ERBB4: variants seen among roughly 807,000 people sequenced by gnomAD.
The protein encoded by ERBB4 is receptor tyrosine-protein kinase erbB-4.
ERBB4 carries 42 observed loss-of-function variants against 158.0 expected under a neutral mutation model. The ratio of observed to expected loss-of-function variants is 0.27; its 90% CI spans 0.21 to 0.34. ERBB4 has a LOEUF of 0.34. ERBB4 is among the 10% of genes least tolerant of loss of function. ERBB4 has a pLI of 1.00. For synonymous variants in ERBB4, 583 were observed against 558.7 expected, an observed-to-expected ratio of 1.04 and a Z score of -0.61; for missense variants, 1,333 against 1,624.1, an observed-to-expected ratio of 0.82 and a Z score of 3.08.
At chr2:211,654,598 CA>C (rs769747362) in intron 16 of ERBB4, among the ~76,000 whole-genome samples, 8 of 152,268 alleles carry the variant, frequency 5.3e-5, no homozygotes, top group Middle Eastern at 3.4e-3. Context: ...GCCAACATTT[CA>C]ACTGGAGCAG....
chr2:212,043,128 G>A (rs2077179102), intron 2 of ERBB4, among the ~76,000 whole-genome samples: 1 of 152,096 alleles, frequency 6.6e-6, no homozygotes, highest in Admixed American at 6.5e-5. Flanking sequence ...TGCTTTGAAA[G>A]CAATGATAAA....
intron 3 of ERBB4, among the ~76,000 whole-genome samples, chr2:211,934,655 C>T (rs375423985): frequency 2.0e-4 from 31 of 151,778 alleles, no homozygotes; most frequent in Admixed American, 5.9e-4. Context: ...AAATAAAACA[C>T]GCTTCAAATA....
intron 2 of ERBB4, among the ~76,000 whole-genome samples, chr2:212,075,801 GC>G (rs1355023143): frequency 6.6e-6 from 1 of 151,788 alleles, no homozygotes; most frequent in Non-Finnish European, 1.5e-5. Flanking sequence ...GAATTTTACA[GC>G]CAACATTACA....
intron 2 of ERBB4, among the ~76,000 whole-genome samples, chr2:212,016,027 GA>G (rs574342589): frequency 0.026 from 3,679 of 139,568 alleles, 54 homozygotes; most frequent in Middle Eastern, 0.046. Context: ...CTACTGACCA[GA>G]AAAAAAAAAA....
At chr2:211,797,660 G>T (rs1028066320) in intron 3 of ERBB4, among the ~76,000 whole-genome samples, 1 of 151,744 alleles carries the variant, frequency 6.6e-6, no homozygotes, top group Admixed American at 6.6e-5. Flanking sequence ...TGATTTGGGG[G>T]CTAGAAGTCT....
chr2:211,630,671 T>A lies in ERBB4; in HGVS notation c.1947-77A>T, dbSNP rs1415935277. 4 of 1,245,100 alleles carry A rather than the reference T, an allele frequency of 3.2e-6. No individual in the cohort carries two copies. The South Asian group carries it at 3.8e-5, about 12-fold the overall frequency. 77.1% of individuals were successfully genotyped at this position (1,245,100 alleles called of 1,614,324 possible). A position where few individuals can be genotyped will look rare whatever the true frequency, so the allele number is the denominator to read the frequency against. Reference sequence around the variant, plus strand: ...ACAGAGGAAGAGAAAAGAGCAGTTGTACAAGACATTATCCACATTTCACAA... The same window carrying A: ...ACAGAGGAAGAGAAAAGAGCAGTTGAACAAGACATTATCCACATTTCACAA... On this transcript the variant is annotated intron_variant, in intron 16 of 27. Coordinates refer to ENST00000342788, the MANE Select transcript of ERBB4 (RefSeq NM_005235.3).
chr2:211,975,229 G>A (rs754986147), intron 2 of ERBB4, among the ~76,000 whole-genome samples: 1 of 152,132 alleles, frequency 6.6e-6, no homozygotes, highest in Non-Finnish European at 1.5e-5. Flanking sequence ...GGAGCTATCC[G>A]CCTCCACCGC....
chr2:211,691,510 AG>A (rs2072813975), intron 12 of ERBB4, among the ~76,000 whole-genome samples: 1 of 151,796 alleles, frequency 6.6e-6, no homozygotes, highest in Non-Finnish European at 1.5e-5. Flanking sequence ...TACCTCATGG[AG>A]TTTACAGCTA....
At chr2:212,482,738 T>C (rs1310724998) in intron 1 of ERBB4, among the ~76,000 whole-genome samples, 1 of 152,184 alleles carries the variant, frequency 6.6e-6, no homozygotes, top group East Asian at 1.9e-4. Context: ...TGCCTCAGCC[T>C]CTTGAGTAGC....
chr2:212,135,125 A>G (rs181621624), intron 1 of ERBB4, among the ~76,000 whole-genome samples: 1 of 152,140 alleles, frequency 6.6e-6, no homozygotes, highest in Non-Finnish European at 1.5e-5. Context: ...AATATATTAT[A>G]TATACTCCTA....
intron 2 of ERBB4, among the ~76,000 whole-genome samples, chr2:211,959,187 C>G (rs570802247): frequency 3.0e-4 from 45 of 152,128 alleles, no homozygotes; most frequent in Non-Finnish European, 5.7e-4. Flanking sequence ...TGTTTATTGT[C>G]CCCCTCTATT....
chr2:211,835,304 C>T (rs1483465928), intron 3 of ERBB4, among the ~76,000 whole-genome samples: 1 of 122,202 alleles, frequency 8.2e-6, no homozygotes, highest in Non-Finnish European at 1.8e-5. Context: ...ATGCATGGCT[C>T]CATTGTGATT....
At chr2:212,427,013 T>C (rs1306807629) in intron 1 of ERBB4, among the ~76,000 whole-genome samples, 1 of 152,186 alleles carries the variant, frequency 6.6e-6, no homozygotes, top group Non-Finnish European at 1.5e-5. Flanking sequence ...CATTACTTAA[T>C]AGTATCTTCT....
chr2:212,018,686 A>C (rs2076580196), intron 2 of ERBB4, among the ~76,000 whole-genome samples: 1 of 152,178 alleles, frequency 6.6e-6, no homozygotes, highest in Non-Finnish European at 1.5e-5. Context: ...ACAAGACTAA[A>C]GACACCAGTT....
At chr2:211,911,948 G>A (rs888184836) in intron 3 of ERBB4, among the ~76,000 whole-genome samples, 1 of 151,936 alleles carries the variant, frequency 6.6e-6, no homozygotes, top group South Asian at 2.1e-4. Flanking sequence ...TTCAATCACT[G>A]AGGTTTATTA....
At chr2:211,505,786 C>T (rs2065731415) in intron 20 of ERBB4, among the ~76,000 whole-genome samples, 1 of 151,894 alleles carries the variant, frequency 6.6e-6, no homozygotes, top group African/African-American at 2.4e-5. Flanking sequence ...CGGTGAAACC[C>T]CGTCTCTACT....
chr2:212,224,708 A>G (rs912478682), intron 1 of ERBB4, among the ~76,000 whole-genome samples: 1 of 152,020 alleles, frequency 6.6e-6, no homozygotes, highest in Admixed American at 6.6e-5. Context: ...TAGCTTAAAA[A>G]GGCATATAAC....
At chr2:211,719,004 T>C (rs1010592270) in intron 7 of ERBB4, among the ~76,000 whole-genome samples, 12 of 152,348 alleles carry the variant, frequency 7.9e-5, no homozygotes, top group African/African-American at 2.9e-4. Context: ...GCTGGATGGC[T>C]TTTTAAAATG....
intron 1 of ERBB4, among the ~76,000 whole-genome samples, chr2:212,375,760 G>A (rs185360010): frequency 1.7e-4 from 26 of 152,200 alleles, no homozygotes; most frequent in African/African-American, 6.3e-4. Flanking sequence ...AGAAGGATTA[G>A]ACATCAGTTT....
Sources: allele counts gnomAD v4.1 joint callset (sites outside exome capture counted in the v4.1 genomes callset), GRCh38; gene constraint gnomAD v4.1.1; transcripts MANE v1.5; gene names NCBI Gene and HGNC (gene_info 2026-07-23, HGNC 2026-07-21).